P4HA3: variants seen among roughly 807,000 people sequenced by gnomAD.
P4HA3 encodes prolyl 4-hydroxylase subunit alpha 3, also known as prolyl 4-hydroxylase subunit alpha-3.
In P4HA3, 60 loss-of-function variants were observed where a neutral mutation model predicts 66.7. The observed-to-expected ratio is 0.90, with a 90% CI of 0.73 to 1.12. The LOEUF is 1.12. P4HA3 is among the 50% of genes most tolerant of loss of function. The pLI, the probability that P4HA3 is intolerant of heterozygous loss-of-function variation, is 0.00. For missense variants in P4HA3, 683 were observed against 685.8 expected (o/e 1.00, Z 0.05); for synonymous variants, 263 against 274.6 (o/e 0.96, Z 0.42).
In P4HA3 at chr11:74,311,585, C is replaced by T. The variant is rs1248131841; in HGVS notation, c.27G>A (p.Ala9=). 21 of 1,533,070 alleles carry T rather than the reference C, an allele frequency of 1.4e-5. No homozygotes were observed. The highest frequency in any genetic ancestry group is 2.0e-5 in the Admixed American group (1 of 51,198). The allele number at this position is 1,533,070 out of a possible 1,614,324, so 95.0% of individuals were successfully genotyped here. Residue 9 remains alanine, a synonymous_variant, in exon 1 of 13, where the codon GCG becomes GCA. Transcript: ENST00000331597. ...TCCCGAGCGCCAGCACCGCCAGCAG[C>T]GCCGCCAGCCGCGCCCCAGGACCCA... MGPGARLA[A]LLAVLALGTG...
chr11:74,255,866 G>A (rs1859818905), intron 15 of P4HA3: 2 of 464,136 alleles, frequency 4.3e-6, no homozygotes, highest in Non-Finnish European at 8.6e-6. Context: ...TAGTTCATGA[G>A]CTCCCTAGTA....
At chr11:74,303,738 G>A (rs938543037) in intron 2 of P4HA3, among the ~76,000 whole-genome samples, 2 of 151,654 alleles carry the variant, frequency 1.3e-5, no homozygotes, top group African/African-American at 4.8e-5. Context: ...GTAATCCCAC[G>A]ACTCCCCGGT....
intron 3 of P4HA3, among the ~76,000 whole-genome samples, chr11:74,300,636 C>T (rs79994895): frequency 2.0e-5 from 3 of 152,160 alleles, no homozygotes; most frequent in Non-Finnish European, 4.4e-5. Flanking sequence ...CCTAAGAAAA[C>T]AAAAAGAATT....
intron 14 of P4HA3, among the ~76,000 whole-genome samples, chr11:74,261,165 G>GTTTC (rs1194286372): frequency 6.6e-6 from 1 of 152,170 alleles, no homozygotes. Context: ...AATGAGTGAT[G>GTTTC]GAAAAGCTCT....
chr11:74,310,867 T>C (rs1014361195), intron 1 of P4HA3, among the ~76,000 whole-genome samples: 6 of 152,114 alleles, frequency 3.9e-5, no homozygotes, highest in African/African-American at 1.4e-4. Context: ...GCTCACTAGG[T>C]CATGCGGTGT....
At chr11:74,310,577 T>G (rs1314407087) in intron 1 of P4HA3, among the ~76,000 whole-genome samples, 3 of 152,258 alleles carry the variant, frequency 2.0e-5, no homozygotes, top group African/African-American at 7.2e-5. Flanking sequence ...TTAACAGTCA[T>G]GGTGCTACAG....
At chr11:74,282,674 C>T (rs754640812) in intron 7 of P4HA3, among the ~76,000 whole-genome samples, 5 of 152,148 alleles carry the variant, frequency 3.3e-5, no homozygotes, top group Non-Finnish European at 5.9e-5. Context: ...ACTCTGGCAG[C>T]AATGGGAAGA....
chr11:74,296,113 C>T (rs1026665411), intron 4 of P4HA3, among the ~76,000 whole-genome samples: 8 of 152,140 alleles, frequency 5.3e-5, no homozygotes, highest in African/African-American at 1.9e-4. Flanking sequence ...GACATTTATC[C>T]AGTAAGTAGC....
intron 7 of P4HA3, among the ~76,000 whole-genome samples, chr11:74,283,278 T>C (rs1860672079): frequency 6.6e-6 from 1 of 152,172 alleles, no homozygotes; most frequent in African/African-American, 2.4e-5. Context: ...CTTCTCCCGT[T>C]ACCATGGCAA....
At chr11:74,309,999 C>A (rs561970056) in intron 1 of P4HA3, among the ~76,000 whole-genome samples, 1 of 152,236 alleles carries the variant, frequency 6.6e-6, no homozygotes, top group African/African-American at 2.4e-5. Context: ...ATTCCACATA[C>A]CTTCTTCTCA....
chr11:74,303,833 C>T (rs1861493315), intron 2 of P4HA3, among the ~76,000 whole-genome samples: 1 of 152,250 alleles, frequency 6.6e-6, no homozygotes, highest in Admixed American at 6.5e-5. Context: ...ATCAGCCCAC[C>T]TCAGCCTCCC....
Position 74,302,563 on chromosome 11 carries a change from G to A in P4HA3, c.373C>T (p.Gln125Ter). ...AGGTCCTCAAAGGCTGGAAGGTCTTGCTCCACCTTCTCATAGCCATCCTTC... is the reference window on the plus strand; with the variant it reads ...AGGTCCTCAAAGGCTGGAAGGTCTTACTCCACCTTCTCATAGCCATCCTTC... ...ALKDGYEKVE[Q>*]DLPAFEDLEG... is the part of the protein sequence containing the mutation. The change falls in exon 3 of 13, where the codon CAA becomes TAA. Residue 125 changes from glutamine to a stop codon, truncating the protein, a stop_gained. Transcript: ENST00000331597. LOFTEE classifies it high-confidence loss of function. The A allele has an allele frequency of 1.2e-6, 2 of 1,614,132 alleles. No homozygotes were observed. Among genetic ancestry groups the A allele is most frequent in the Non-Finnish European group, 1.7e-6 (2 of 1,180,004 alleles).
chr11:74,252,335 G>T (rs550443331), intron 15 of P4HA3: 1 of 406,356 alleles, frequency 2.5e-6, no homozygotes, highest in African/African-American at 2.1e-5. Context: ...TGATCCACCC[G>T]CATCGGCCTC....
intron 8 of P4HA3, 45 bp downstream of exon 8, chr11:74,279,343 C>T (rs763826267): frequency 6.3e-7 from 1 of 1,581,010 alleles, no homozygotes; most frequent in Admixed American, 1.7e-5. Context: ...TATGCTACGG[C>T]CCGAGGGTGG....
chr11:74,283,480 C>T (rs925690447), intron 7 of P4HA3, among the ~76,000 whole-genome samples: 2 of 152,178 alleles, frequency 1.3e-5, no homozygotes, highest in Non-Finnish European at 2.9e-5. Flanking sequence ...CCCTCCAATC[C>T]ATGTCTGCTG....
At chr11:74,250,747 A>C (rs183380017) in intron 15 of P4HA3, 18 of 566,288 alleles carry the variant, frequency 3.2e-5, no homozygotes, top group Admixed American at 2.1e-4. Flanking sequence ...TAAATAGGAC[A>C]GAAGGAAAAA....
chr11:74,289,026 G>C, intron 5 of P4HA3, 53 bp downstream of exon 5: 2 of 1,320,038 alleles, frequency 1.5e-6, no homozygotes, highest in Non-Finnish European at 1.0e-6. Flanking sequence ...GAGCAGAAGG[G>C]AGTTCCCCGT....
chr11:74,252,013 G>C (rs560127425), intron 15 of P4HA3: 121 of 586,664 alleles, frequency 2.1e-4, no homozygotes, highest in African/African-American at 2.0e-3. Flanking sequence ...GCTGGGATAG[G>C]AATCAGTCCT....
intron 6 of P4HA3, 45 bp from the exon 7 acceptor site, chr11:74,286,030 G>C (rs759733530): frequency 2.2e-5 from 34 of 1,554,146 alleles, no homozygotes; most frequent in Non-Finnish European, 2.9e-5. Flanking sequence ...AAGGGTCTAG[G>C]AGCAAAACTC....
Sources: allele counts gnomAD v4.1 joint callset (sites outside exome capture counted in the v4.1 genomes callset), GRCh38; gene constraint gnomAD v4.1.1; transcripts MANE v1.5; gene names NCBI Gene and HGNC (gene_info 2026-07-23, HGNC 2026-07-21).